Variants in FCN1 observed in about 807,000 individuals in gnomAD.
FCN1 encodes ficolin 1.
A neutral mutation model predicts 35.6 loss-of-function variants in FCN1; 42 were observed. The ratio of observed to expected loss-of-function variants is 1.18; its 90% CI spans 0.92 to 1.53. The LOEUF is 1.53. Ranked by LOEUF, FCN1 falls within the 40% of genes most tolerant of loss-of-function variation. FCN1 has a pLI of 0.00. For synonymous variants in FCN1, 179 were observed against 169.8 expected, an observed-to-expected ratio of 1.05 and a Z score of -0.42; for missense variants, 439 against 428.4, an observed-to-expected ratio of 1.02 and a Z score of -0.22.
At chr9:134,916,820 T>C (rs1297242664) in intron 1 of FCN1, among the ~76,000 whole-genome samples, 1 of 152,234 alleles carries the variant, frequency 6.6e-6, no homozygotes, top group Non-Finnish European at 1.5e-5. Context: ...GCACTTTCAA[T>C]AACTAATGAC....
intron 7 of FCN1, 42 bp downstream of exon 7, chr9:134,912,444 C>T (rs1384298898): frequency 1.3e-6 from 2 of 1,594,758 alleles, no homozygotes; most frequent in Non-Finnish European, 1.7e-6. Flanking sequence ...GGCAGGAGCA[C>T]CTCAGGGCCC....
Position 134,914,404 on chromosome 9 carries a change from C to T in FCN1, c.288G>A (p.Lys96=). ...GCTCACCTTTCTCTCCACGCATCCC[C>T]TTCTCTCCTCGGTCTCCTGGAGGAA... ...PVGPKGDRGE[K]GMRGEKGDAG... The change falls in exon 4 of 9, where the codon AAG becomes AAA. Residue 96 remains lysine (K), a synonymous_variant. Transcript: ENST00000371806. 6.2e-7 allele frequency: 1 copy of T among 1,614,178 alleles called. No individual in the cohort carries two copies. The highest frequency in any genetic ancestry group is 1.7e-4 in the Middle Eastern group (1 of 6,060).
At position 134,913,119 on chromosome 9, in the gene FCN1, A is replaced by C; in HGVS notation, c.365T>G (p.Leu122Arg). ...GCCGCTCAGGAAATACCCCCGGTCT[A>C]GCAGGTCCTTGCAGTTGCGTGGGCC... ...ATGPRNCKDL[L>R]DRGYFLSGWH... The change falls in exon 6 of 9, where the codon CTA becomes CGA. Residue 122 changes from leucine (L) to arginine (R), a missense_variant. Physicochemically the swap from Leu to Arg is moderately radical, Grantham distance 102. Coordinates refer to ENST00000371806, the MANE Select transcript of FCN1 (RefSeq NM_002003.5). The C allele has an allele frequency of 6.2e-7, 1 of 1,613,966 alleles. No individual in the cohort carries two copies. The highest frequency in any genetic ancestry group is 8.5e-7 in the Non-Finnish European group (1 of 1,179,948).
chr9:134,905,810 C>G lies in FCN1; in HGVS notation c.*3988G>C, dbSNP rs13284562. 1.9e-5 allele frequency: 1 copy of G among 53,826 alleles called. No individual in the cohort carries two copies. The highest frequency in any genetic ancestry group is 3.5e-4 in the East Asian group (1 of 2,818). The allele number at this position is 53,826 out of a possible 1,614,324, so 3.3% of individuals were successfully genotyped here. ...CTGCTGCTGCTTCTTCTTCTTCTTC[C>G]TCTTCTTCTTCTTCTTCCTCTTCCT... is the stretch of plus-strand genomic sequence containing the variant. On this transcript the variant is annotated 3_prime_UTR_variant, in exon 9 of 9. Coordinates refer to ENST00000371806, the MANE Select transcript of FCN1 (RefSeq NM_002003.5).
rs1228356190 is a variant in FCN1 at position 134,906,715 on chromosome 9, C to T, written c.*3083G>A. 1 of 152,062 alleles carries T rather than the reference C, an allele frequency of 6.6e-6. No individual in the cohort carries two copies. The highest frequency in any genetic ancestry group is 1.5e-5 in the Non-Finnish European group (1 of 68,028). 9.4% of individuals were successfully genotyped at this position (152,062 alleles called of 1,614,324 possible). ...GATTTGTGAGATTCTTCATAATAGGCCAAATTATTTAAACATTACAAGACT... is the reference window on the plus strand; with the variant it reads ...GATTTGTGAGATTCTTCATAATAGGTCAAATTATTTAAACATTACAAGACT... On this transcript the variant is annotated 3_prime_UTR_variant, in exon 9 of 9. Coordinates refer to ENST00000371806, the MANE Select transcript of FCN1 (RefSeq NM_002003.5).
chr9:134,912,332 G>T (rs926366263), intron 7 of FCN1, among the ~76,000 whole-genome samples, 154 bp downstream of exon 7: 4 of 152,178 alleles, frequency 2.6e-5, no homozygotes, highest in African/African-American at 9.7e-5. Flanking sequence ...CCTGCGGCAG[G>T]GGACGCAGCC....
Position 134,905,858 on chromosome 9 carries a change from C to CTCTTCCTCTTCT in FCN1, c.*3928_*3939dup, listed in dbSNP as rs1355629843. 6.6e-5 allele frequency: 2 copies of CTCTTCCTCTTCT among 30,412 alleles called. 1 individual carries two copies. Among genetic ancestry groups the CTCTTCCTCTTCT allele is most frequent in the Non-Finnish European group, 1.1e-4 (2 of 17,780 alleles). The allele number at this position is 30,412 out of a possible 1,614,324, so 1.9% of individuals were successfully genotyped here. ...CCTCTTCCTCTTCCTCTTCCTCTTCCTCTTCCTCTTCTTCTTCTTCTTCTT... is the reference window on the plus strand; with the variant it reads ...CCTCTTCCTCTTCCTCTTCCTCTTCCTCTTCCTCTTCTTCTTCCTCTTCTTCTTCTTCTTCTT... On this transcript the variant is annotated 3_prime_UTR_variant, in exon 9 of 9. Coordinates refer to ENST00000371806, the MANE Select transcript of FCN1 (RefSeq NM_002003.5).
At chr9:134,914,048 G>A (rs575175575) in intron 4 of FCN1, among the ~76,000 whole-genome samples, 7 of 152,334 alleles carry the variant, frequency 4.6e-5, no homozygotes, top group South Asian at 2.1e-4. Flanking sequence ...TGGGTGGAGC[G>A]TGGTACAGTG....
Position 134,905,852 on chromosome 9 carries a change from CTCTTCCTCTTCCTCTTCT to C in FCN1, c.*3928_*3945del, listed in dbSNP as rs1830943546. On this transcript the variant is annotated 3_prime_UTR_variant, in exon 9 of 9. Coordinates refer to ENST00000371806, the MANE Select transcript of FCN1 (RefSeq NM_002003.5). ...CCTCTTCCTCTTCCTCTTCCTCTTC[CTCTTCCTCTTCCTCTTCT>C]TCTTCTTCTTCTTCTTCTTCTTCTT... 3.5e-5 allele frequency: 1 copy of C among 28,640 alleles called. No individual in the cohort carries two copies. Among genetic ancestry groups the C allele is most frequent in the African/African-American group, 4.3e-4 (1 of 2,306 alleles). 1.8% of individuals were successfully genotyped at this position (28,640 alleles called of 1,614,324 possible). A position where few individuals can be genotyped will look rare whatever the true frequency, so the allele number is the denominator to read the frequency against.
Position 134,908,803 on chromosome 9 carries a change from G to C in FCN1, c.*995C>G, listed in dbSNP as rs529545814. ...CAGATCTACTGAGCCAGGAGGTGGC[G>C]AGTTCTTGTTGTTTCAAGCCACTCC... On this transcript the variant is annotated 3_prime_UTR_variant, in exon 9 of 9. Transcript: ENST00000371806. The C allele has an allele frequency of 5.4e-6, 1 of 185,636 alleles. No individual in the cohort carries two copies. The highest frequency in any genetic ancestry group is 1.5e-4 in the East Asian group (1 of 6,610). 11.5% of individuals were successfully genotyped at this position (185,636 alleles called of 1,614,324 possible). A position where few individuals can be genotyped will look rare whatever the true frequency, so the allele number is the denominator to read the frequency against.
chr9:134,913,777 C>T (rs1390231647), intron 4 of FCN1, among the ~76,000 whole-genome samples, 164 bp from the exon 5 acceptor site: 3 of 152,246 alleles, frequency 2.0e-5, no homozygotes, highest in Admixed American at 1.3e-4. Flanking sequence ...CCAGACTCGA[C>T]TTCCCCAGAG....
At chr9:134,917,688 G>C in intron 1 of FCN1, 81 bp downstream of exon 1, 2 of 853,830 alleles carry the variant, frequency 2.3e-6, no homozygotes, top group South Asian at 1.4e-5. Context: ...GTGCATAAAA[G>C]GTTTTGCCTG....
intron 3 of FCN1, 88 bp from the exon 4 acceptor site, chr9:134,914,508 ACT>A (rs1251409889): frequency 1.6e-6 from 2 of 1,276,508 alleles, no homozygotes; most frequent in East Asian, 4.6e-5. Context: ...CGGCCTGGAC[ACT>A]GCATCTCCCC....
chr9:134,917,680 G>T (rs1831107876), intron 1 of FCN1, 89 bp downstream of exon 1: 1 of 793,828 alleles, frequency 1.3e-6, no homozygotes, highest in East Asian at 2.5e-5. Context: ...AGGAAGATGT[G>T]CATAAAAGGT....
At chr9:134,911,372 T>C (rs1831021273) in intron 7 of FCN1, 105 bp from the exon 8 acceptor site, 11 of 975,738 alleles carry the variant, frequency 1.1e-5, no homozygotes, top group Non-Finnish European at 1.5e-5. Context: ...GAGACAGAGT[T>C]CCGCTCTTGT....
rs542291806 is a variant in FCN1, at chr9:134,904,903, A to C, written c.*4895T>G. On this transcript the variant is annotated 3_prime_UTR_variant, in exon 9 of 9. Transcript: ENST00000371806. ...GAATAAAGGGCAACATAAAGTGTAA[A>C]AATGTGGTAAAAATGAATACGGACT... Among the ~76,000 whole-genome samples, 79 of 152,322 alleles carry C rather than the reference A, an allele frequency of 5.2e-4. No individual in the cohort carries two copies. The highest frequency in any genetic ancestry group is 1.9e-3 in the African/African-American group (78 of 41,576).
intron 1 of FCN1, among the ~76,000 whole-genome samples, chr9:134,917,533 C>T (rs1447359268): frequency 6.6e-6 from 1 of 152,210 alleles, no homozygotes; most frequent in Non-Finnish European, 1.5e-5. Flanking sequence ...CTCCAATGGG[C>T]AAATCCTGGG....
chr9:134,917,849 A>T lies in FCN1; in HGVS notation c.23T>A (p.Met8Lys). The change falls in exon 1 of 9, where the codon ATG (methionine) becomes AAG (lysine). Residue 8 changes from methionine to lysine, a missense_variant. Coordinates refer to ENST00000371806, the MANE Select transcript of FCN1 (RefSeq NM_002003.5). Reference sequence around the variant, plus strand: ...TAGCAGGACAGCGAGCCCCCGGGCCATGGTGGCTCCACTCAGCTCCATGCT... The same window carrying T: ...TAGCAGGACAGCGAGCCCCCGGGCCTTGGTGGCTCCACTCAGCTCCATGCT... MELSGAT[M>K]ARGLAVLLVL... 6.2e-7 allele frequency: 1 copy of T among 1,613,690 alleles called. No individual in the cohort carries two copies. Among genetic ancestry groups the T allele is most frequent in the Non-Finnish European group, 8.5e-7 (1 of 1,179,672 alleles).
intron 2 of FCN1, among the ~76,000 whole-genome samples, chr9:134,916,036 G>A (rs1401831304): frequency 6.6e-6 from 1 of 152,230 alleles, no homozygotes; most frequent in Admixed American, 6.5e-5. Flanking sequence ...GTGAGAAGGT[G>A]GAGGGACACA....
Sources: gnomAD v4.1 joint callset for allele counts (sites outside exome capture counted in the v4.1 genomes callset) on GRCh38, gnomAD v4.1.1 for gene constraint, MANE v1.5 for transcripts, NCBI Gene and HGNC (gene_info 2026-07-23, HGNC 2026-07-21) for gene names.